Variants in AJAP1 observed in about 807,000 individuals in gnomAD.
AJAP1 encodes the protein adherens junction-associated protein 1.
AJAP1 carries 5 observed loss-of-function variants against 35.0 expected under a neutral mutation model. The observed-to-expected ratio is 0.14, with a 90% confidence interval of 0.07 to 0.30. The LOEUF is 0.30. AJAP1 is among the 10% of genes least tolerant of loss of function. The pLI is 1.00. For missense variants in AJAP1, 586 were observed against 571.0 expected, an observed-to-expected ratio of 1.03 and a Z score of -0.27; for synonymous variants, 284 against 249.3, an observed-to-expected ratio of 1.14 and a Z score of -1.31.
At chr1:4,749,619 A>G (rs1641276029) in intron 2 of AJAP1, among the ~76,000 whole-genome samples, 1 of 152,164 alleles carries the variant, frequency 6.6e-6, no homozygotes, top group African/African-American at 2.4e-5. Context: ...AAAACAAACC[A>G]GTGTATTTGG....
intron 1 of AJAP1, among the ~76,000 whole-genome samples, chr1:4,702,611 C>T (rs985057745): frequency 1.6e-4 from 24 of 152,184 alleles, no homozygotes; most frequent in Admixed American, 5.9e-4. Flanking sequence ...TGGTCCCTTC[C>T]GTCTGGGGCG....
intron 1 of AJAP1, among the ~76,000 whole-genome samples, chr1:4,691,124 G>T (rs916406863): frequency 6.6e-6 from 1 of 152,220 alleles, no homozygotes; most frequent in Middle Eastern, 3.2e-3. Flanking sequence ...TGAGCTCACT[G>T]TGCTTATGGT....
intron 1 of AJAP1, among the ~76,000 whole-genome samples, chr1:4,706,393 T>G (rs1257976583): frequency 6.6e-6 from 1 of 152,210 alleles, no homozygotes; most frequent in Non-Finnish European, 1.5e-5. Context: ...AACTGGGGCT[T>G]GCAGAGTGGG....
At chr1:4,776,900 T>C (rs1395081233) in intron 5 of AJAP1, among the ~76,000 whole-genome samples, 1 of 152,188 alleles carries the variant, frequency 6.6e-6, no homozygotes, top group East Asian at 1.9e-4. Flanking sequence ...CCGTGAGGCT[T>C]ACTGAAGGCA....
intron 1 of AJAP1, among the ~76,000 whole-genome samples, chr1:4,690,438 C>T (rs954955284): frequency 1.3e-5 from 2 of 152,214 alleles, no homozygotes; most frequent in Admixed American, 6.5e-5. Flanking sequence ...GCCCTCTCTT[C>T]GTCATGGAGC....
intron 2 of AJAP1, among the ~76,000 whole-genome samples, chr1:4,738,266 A>C (rs1334746526): frequency 6.6e-6 from 1 of 152,258 alleles, no homozygotes. Context: ...CAGGCCCACA[A>C]GGGTGATTGT....
intron 2 of AJAP1, among the ~76,000 whole-genome samples, chr1:4,749,704 T>C (rs1471222649): frequency 6.6e-6 from 1 of 152,236 alleles, no homozygotes; most frequent in Non-Finnish European, 1.5e-5. Context: ...AGCGGCCCTG[T>C]GTACCAGAGG....
rs766928550 is a variant in AJAP1, at chr1:4,785,406, G to A, written c.*2921G>A. 34 of 152,166 alleles carry A rather than the reference G, an allele frequency of 2.2e-4. No homozygotes were observed. Among genetic ancestry groups the A allele is most frequent in the African/African-American group, 5.3e-4 (22 of 41,422 alleles). 9.4% of individuals were successfully genotyped at this position (152,166 alleles called of 1,614,324 possible). A position where few individuals can be genotyped will look rare whatever the true frequency, so the allele number is the denominator to read the frequency against. ...GATGATTGAGGCAGTGTCTGTAGACGTGTTACTTTACTTTTTTAAATGGTT... is the reference window on the plus strand; with the variant it reads ...GATGATTGAGGCAGTGTCTGTAGACATGTTACTTTACTTTTTTAAATGGTT... On this transcript the variant is annotated 3_prime_UTR_variant, in exon 6 of 6. Transcript: ENST00000378191.
intron 1 of AJAP1, among the ~76,000 whole-genome samples, chr1:4,662,816 C>T (rs548846428): frequency 7.9e-5 from 12 of 152,248 alleles, no homozygotes; most frequent in Non-Finnish European, 1.6e-4. Flanking sequence ...TGCATTCTGC[C>T]ACGGGGATGT....
At chr1:4,683,264 G>T (rs1234873044) in intron 1 of AJAP1, among the ~76,000 whole-genome samples, 1 of 152,234 alleles carries the variant, frequency 6.6e-6, no homozygotes, top group Non-Finnish European at 1.5e-5. Flanking sequence ...CTGGCACTGG[G>T]CCTGCCCAGA....
At position 4,774,427 on chromosome 1, in the gene AJAP1, A is replaced by G; in HGVS notation, c.1164A>G (p.Arg388=). ...AAGCCCATTTTTCTGTTCACCGCAGACCCTCCTCTTCTGATCGGCATCTTA... is the reference window on the plus strand; with the variant it reads ...AAGCCCATTTTTCTGTTCACCGCAGGCCCTCCTCTTCTGATCGGCATCTTA... ...GEYKSTFNGN[R]PSSSDRHLIP... is the part of the protein sequence containing the mutation. The change falls in exon 5 of 6, where the codon CGA becomes CGG. Residue 388 remains arginine (R), a splice_region_variant and synonymous_variant. Coordinates refer to ENST00000378191, the MANE Select transcript of AJAP1 (RefSeq NM_018836.4). 1 of 1,613,668 alleles carries G rather than the reference A, an allele frequency of 6.2e-7. No homozygotes were observed. The highest frequency in any genetic ancestry group is 8.5e-7 in the Non-Finnish European group (1 of 1,179,904).
At chr1:4,742,659 G>A (rs1392928175) in intron 2 of AJAP1, among the ~76,000 whole-genome samples, 1 of 152,040 alleles carries the variant, frequency 6.6e-6, no homozygotes, top group Admixed American at 6.5e-5. Flanking sequence ...CAATATAAAA[G>A]CTGACAGCCT....
chr1:4,694,294 AGCAGAGTGGGTG>A (rs1202293873), intron 1 of AJAP1, among the ~76,000 whole-genome samples: 16 of 152,304 alleles, frequency 1.1e-4, no homozygotes, highest in Admixed American at 8.5e-4. Context: ...CTTGTAATTG[AGCAGAGTGGGTG>A]CTTATGAAGC....
At position 4,656,023 on chromosome 1, in the gene AJAP1, G is replaced by A. The variant is rs1420581707; in HGVS notation, c.29+569G>A. 1.3e-5 allele frequency among the ~76,000 whole-genome samples: 2 copies of A among 152,048 alleles called. No homozygotes were observed. The highest frequency in any genetic ancestry group is 3.9e-4 in the East Asian group (2 of 5,150). On this transcript the variant is annotated intron_variant, in intron 1 of 5. Coordinates refer to ENST00000378191, the MANE Select transcript of AJAP1 (RefSeq NM_018836.4). The surrounding 1 kb of genome is among the most constrained non-coding windows in gnomAD (Gnocchi z 5.7). Reference sequence around the variant, plus strand: ...ACCCAGCTGTTTGCGGGTGACCTCCGGGCCCGACGGGCGCTCACAGCTGGC... The same window carrying A: ...ACCCAGCTGTTTGCGGGTGACCTCCAGGCCCGACGGGCGCTCACAGCTGGC...
intron 1 of AJAP1, among the ~76,000 whole-genome samples, chr1:4,709,235 G>A (rs1172063264): frequency 2.1e-5 from 3 of 145,044 alleles, no homozygotes; most frequent in Non-Finnish European, 3.1e-5. Flanking sequence ...GGGGCTGGTG[G>A]GGCCTGGTGG....
At chr1:4,665,349 C>T (rs1639093342) in intron 1 of AJAP1, among the ~76,000 whole-genome samples, 3 of 152,150 alleles carry the variant, frequency 2.0e-5, no homozygotes, top group Admixed American at 1.3e-4. Flanking sequence ...TGCAGGCTTC[C>T]AGGGGCATTT....
Position 4,712,251 on chromosome 1 carries a change from C to T in AJAP1, c.381C>T (p.Ser127=), listed in dbSNP as rs1375644929. 6.5e-7 allele frequency: 1 copy of T among 1,528,350 alleles called. No homozygotes were observed. The highest frequency in any genetic ancestry group is 8.7e-7 in the Non-Finnish European group (1 of 1,144,616). 94.7% of individuals were successfully genotyped at this position (1,528,350 alleles called of 1,614,324 possible). A position where few individuals can be genotyped will look rare whatever the true frequency, so the allele number is the denominator to read the frequency against. Residue 127 remains serine, a synonymous_variant, in exon 2 of 6, where the codon AGC becomes AGT. Coordinates refer to ENST00000378191, the MANE Select transcript of AJAP1 (RefSeq NM_018836.4). ...AGCCCCCAGCTGCTGCCAAATCCAG[C>T]CCTTCCCTCGCCTCTTCGTCCTCGT... ...LAKPPAAAKS[S]PSLASSSSSS...
At chr1:4,670,144 C>T (rs1365534464) in intron 1 of AJAP1, among the ~76,000 whole-genome samples, 1 of 152,196 alleles carries the variant, frequency 6.6e-6, no homozygotes, top group Non-Finnish European at 1.5e-5. Context: ...AGAGCCAATG[C>T]AGGCTCCTTC....
chr1:4,757,640 T>C (rs904052326), intron 2 of AJAP1, among the ~76,000 whole-genome samples: 17 of 152,160 alleles, frequency 1.1e-4, no homozygotes, highest in Non-Finnish European at 2.1e-4. Context: ...TAGAAGCTCT[T>C]GTCACAGGTG....
Sources: gnomAD v4.1 joint callset for allele counts (sites outside exome capture counted in the v4.1 genomes callset) on GRCh38, gnomAD v4.1.1 for gene constraint, Gnocchi (gnomAD v3.1) non-coding constraint, MANE v1.5 for transcripts, NCBI Gene and HGNC (gene_info 2026-07-23, HGNC 2026-07-21) for gene names.